Variants in PRKCE observed in about 807,000 individuals in gnomAD.
The protein encoded by PRKCE is protein kinase C epsilon.
Under a neutral mutation model 85.4 loss-of-function variants are expected in PRKCE, and 16 were observed. The observed-to-expected ratio is 0.19, with a 90% CI of 0.13 to 0.28. The LOEUF (loss-of-function observed/expected upper bound fraction) is 0.28, where lower values mean the gene tolerates loss of function less well. Among genes scored for constraint, PRKCE ranks in the 10% least tolerant of loss-of-function variants. PRKCE has a pLI of 1.00. For missense variants in PRKCE, 573 were observed against 975.2 expected (o/e 0.59, Z 5.49); for synonymous variants, 388 against 371.5 (o/e 1.04, Z -0.51).
chr2:45,988,299 T>C (rs1249777207), intron 6 of PRKCE, among the ~76,000 whole-genome samples: 1 of 152,210 alleles, frequency 6.6e-6, no homozygotes, highest in Admixed American at 6.5e-5. Flanking sequence ...AGCTTGGGTC[T>C]ACGAGGAGGG....
chr2:46,176,432 C>T (rs281473), intron 14 of PRKCE, among the ~76,000 whole-genome samples: 13,677 of 151,816 alleles, frequency 0.09, 748 homozygotes, highest in Middle Eastern at 0.18. Flanking sequence ...AGTAATGATA[C>T]CAAGTGATAG....
Position 46,086,370 on chromosome 2 carries a change from C to G in PRKCE, c.1592+8C>G. 1 of 1,595,604 alleles carries G rather than the reference C, an allele frequency of 6.3e-7. No homozygotes were observed. The highest frequency in any genetic ancestry group is 8.5e-7 in the Non-Finnish European group (1 of 1,177,226). On this transcript the variant is annotated splice_region_variant and intron_variant, in intron 11 of 14. Transcript: ENST00000306156. ...GCATGGAGTCATCTACAGGTAGCCT[C>G]TTCTCTCCTCCTCTTTCCTGAAAGT...
intron 1 of PRKCE, among the ~76,000 whole-genome samples, chr2:45,701,687 G>A (rs537334146): frequency 1.1e-4 from 17 of 152,158 alleles, no homozygotes; most frequent in Non-Finnish European, 2.1e-4. Flanking sequence ...CACCTCCTAG[G>A]TTCACCCAGG....
At chr2:45,748,136 G>A (rs1232070461) in intron 1 of PRKCE, among the ~76,000 whole-genome samples, 1 of 152,150 alleles carries the variant, frequency 6.6e-6, no homozygotes, top group Non-Finnish European at 1.5e-5. Flanking sequence ...ACAACCATTG[G>A]TTATTATAGG....
At chr2:45,887,030 T>C (rs572847230) in intron 2 of PRKCE, among the ~76,000 whole-genome samples, 2 of 152,302 alleles carry the variant, frequency 1.3e-5, no homozygotes, top group Non-Finnish European at 1.5e-5. Flanking sequence ...GGCCTGGAAT[T>C]AGAACCCAGG....
intron 1 of PRKCE, among the ~76,000 whole-genome samples, chr2:45,655,979 C>T (rs970643923): frequency 2.0e-5 from 3 of 151,898 alleles, no homozygotes; most frequent in African/African-American, 7.3e-5. Flanking sequence ...GAGCAGTGTT[C>T]CTGGCATGGC....
chr2:45,992,055 G>A (rs1162370547), intron 6 of PRKCE, among the ~76,000 whole-genome samples: 1 of 152,204 alleles, frequency 6.6e-6, no homozygotes, highest in Non-Finnish European at 1.5e-5. Flanking sequence ...AACTTGCACT[G>A]TGCTTGGTCA....
chr2:45,827,512 G>C (rs923168378), intron 1 of PRKCE, among the ~76,000 whole-genome samples: 6 of 152,106 alleles, frequency 3.9e-5, no homozygotes, highest in African/African-American at 1.4e-4. Context: ...TTAAAGGCCT[G>C]GACTTCATAA....
chr2:46,022,811 C>A (rs893503675), intron 10 of PRKCE, among the ~76,000 whole-genome samples: 1 of 152,154 alleles, frequency 6.6e-6, no homozygotes, highest in African/African-American at 2.4e-5. Context: ...CGGCCGGGCG[C>A]GGTGGCTCAC....
chr2:45,859,959 C>T (rs950824421), intron 2 of PRKCE, among the ~76,000 whole-genome samples: 4 of 152,170 alleles, frequency 2.6e-5, no homozygotes, highest in African/African-American at 9.7e-5. Flanking sequence ...AGTTTTCTTT[C>T]TATCGTCCTA....
chr2:45,984,214 A>G (rs59895335), intron 5 of PRKCE, among the ~76,000 whole-genome samples: 3,233 of 152,226 alleles, frequency 0.021, 102 homozygotes, highest in East Asian at 0.086. Flanking sequence ...CTGGGATTAC[A>G]GATATGATCC....
At chr2:45,724,915 T>C (rs1453763052) in intron 1 of PRKCE, among the ~76,000 whole-genome samples, 1 of 152,238 alleles carries the variant, frequency 6.6e-6, no homozygotes, top group Non-Finnish European at 1.5e-5. Flanking sequence ...CAAGTGCTGA[T>C]GGAGAAGCTG....
chr2:46,042,604 C>T (rs531137903), intron 10 of PRKCE, among the ~76,000 whole-genome samples: 2 of 152,234 alleles, frequency 1.3e-5, no homozygotes, highest in African/African-American at 2.4e-5. Flanking sequence ...AGATAAACCC[C>T]TCTTGGTCCT....
intron 1 of PRKCE, among the ~76,000 whole-genome samples, chr2:45,803,164 A>G (rs1452437935): frequency 6.6e-6 from 1 of 152,266 alleles, no homozygotes; most frequent in Admixed American, 6.5e-5. Flanking sequence ...AGGAATCATT[A>G]ATAAACATTA....
chr2:45,904,685 G>T (rs529605423), intron 2 of PRKCE, among the ~76,000 whole-genome samples: 3 of 152,298 alleles, frequency 2.0e-5, no homozygotes, highest in Non-Finnish European at 1.5e-5. Context: ...GGAAGAAAAA[G>T]AATCAAACTA....
chr2:45,809,064 A>G (rs1227886650), intron 1 of PRKCE, among the ~76,000 whole-genome samples: 1 of 152,098 alleles, frequency 6.6e-6, no homozygotes, highest in African/African-American at 2.4e-5. Context: ...TGGGCCGGTG[A>G]GGAAGCTCAC....
chr2:45,672,306 A>G (rs958017097), intron 1 of PRKCE, among the ~76,000 whole-genome samples: 5 of 147,094 alleles, frequency 3.4e-5, no homozygotes, highest in Non-Finnish European at 7.5e-5. Flanking sequence ...ATCCATCTCT[A>G]TATCCATCCA....
chr2:46,129,049 C>G (rs557600246), intron 11 of PRKCE, among the ~76,000 whole-genome samples: 53 of 152,334 alleles, frequency 3.5e-4, no homozygotes, highest in Non-Finnish European at 5.3e-4. Context: ...TAGTTTCCCA[C>G]TCCTATACTA....
At chr2:46,107,986 T>G (rs1032708225) in intron 11 of PRKCE, among the ~76,000 whole-genome samples, 3 of 152,208 alleles carry the variant, frequency 2.0e-5, no homozygotes, top group Non-Finnish European at 4.4e-5. Flanking sequence ...TGCAATACAG[T>G]GGTGTGATCC....
Sources: allele counts gnomAD v4.1 joint callset (sites outside exome capture counted in the v4.1 genomes callset), GRCh38; gene constraint gnomAD v4.1.1; transcripts MANE v1.5; gene names NCBI Gene and HGNC (gene_info 2026-07-23, HGNC 2026-07-21).